The following HHAT variants were observed in gnomAD, a reference collection of about 807,000 sequenced individuals.
HHAT encodes the protein protein-cysteine N-palmitoyltransferase HHAT.
HHAT carries 47 observed loss-of-function variants against 70.8 expected under a neutral mutation model. The observed-to-expected ratio is 0.66, with a 90% CI of 0.53 to 0.85. The LOEUF (loss-of-function observed/expected upper bound fraction) is 0.85, where lower values mean the gene tolerates loss of function less well. HHAT is among the 40% of genes least tolerant of loss of function. HHAT has a pLI of 0.00. For missense variants in HHAT, 609 were observed against 604.8 expected (o/e 1.01, Z -0.07); for synonymous variants, 228 against 247.6 (o/e 0.92, Z 0.74).
At chr1:210,594,656 T>G (rs1662528340) in intron 10 of HHAT, among the ~76,000 whole-genome samples, 1 of 152,198 alleles carries the variant, frequency 6.6e-6, no homozygotes. Flanking sequence ...TTCTGCACCT[T>G]CAGATGATTT....
chr1:210,546,619 C>G (rs1016638317), intron 9 of HHAT, among the ~76,000 whole-genome samples: 3 of 152,168 alleles, frequency 2.0e-5, no homozygotes, highest in Admixed American at 6.5e-5. Flanking sequence ...CTCCACATGG[C>G]TTTAAGCACG....
At chr1:210,604,649 T>A (rs1665016109) in intron 10 of HHAT, among the ~76,000 whole-genome samples, 2 of 152,162 alleles carry the variant, frequency 1.3e-5, no homozygotes. Flanking sequence ...TAAAAATTAT[T>A]GAGAGAGAGG....
At chr1:210,660,387 A>G (rs1294810204) in intron 11 of HHAT, among the ~76,000 whole-genome samples, 1 of 152,212 alleles carries the variant, frequency 6.6e-6, no homozygotes, top group Non-Finnish European at 1.5e-5. Context: ...AAGGAGAACT[A>G]CAAACCACTG....
At chr1:210,335,386 A>G (rs150253290) in intron 1 of HHAT, among the ~76,000 whole-genome samples, 3 of 152,212 alleles carry the variant, frequency 2.0e-5, no homozygotes, top group African/African-American at 7.2e-5. Flanking sequence ...ACAGAGGGTA[A>G]GGTATTGCTC....
In HHAT at chr1:210,404,521, C is replaced by A; in HGVS notation, c.526C>A (p.Arg176Ser). Reference sequence around the variant, plus strand: ...CCTGCTGCAGTTCACGCTGACCGTTCGCTGCCTGTACTACACCAGCTTCAG... The same window carrying A: ...CCTGCTGCAGTTCACGCTGACCGTTAGCTGCCTGTACTACACCAGCTTCAG... ...YYLLQFTLTVRCLYYTSFSLE... is the reference protein window; with the variant it reads ...YYLLQFTLTVSCLYYTSFSLE... Residue 176 changes from arginine (R) to serine (S), a missense_variant, in exon 6 of 12, where the codon CGC becomes AGC. Physicochemically the swap from Arg to Ser is moderately radical, Grantham distance 110. Transcript: ENST00000261458. The A allele has an allele frequency of 6.2e-7, 1 of 1,613,590 alleles. No homozygotes were observed. The highest frequency in any genetic ancestry group is 8.5e-7 in the Non-Finnish European group (1 of 1,179,916).
At chr1:210,372,507 C>A (rs889725350) in intron 3 of HHAT, among the ~76,000 whole-genome samples, 1 of 152,218 alleles carries the variant, frequency 6.6e-6, no homozygotes, top group African/African-American at 2.4e-5. Context: ...TAACTGAATT[C>A]TCCTACAAGT....
At chr1:210,624,860 T>A (rs940103417) in intron 11 of HHAT, among the ~76,000 whole-genome samples, 11 of 152,312 alleles carry the variant, frequency 7.2e-5, no homozygotes, top group African/African-American at 1.4e-4. Context: ...AGTGACACAG[T>A]CTTGTGCTTT....
intron 9 of HHAT, among the ~76,000 whole-genome samples, chr1:210,539,024 C>G (rs2095402624): frequency 6.6e-6 from 1 of 152,154 alleles, no homozygotes; most frequent in African/African-American, 2.4e-5. Context: ...CTATAGTGAG[C>G]CAAGATTGCA....
intron 11 of HHAT, among the ~76,000 whole-genome samples, chr1:210,645,255 T>C (rs929889056): frequency 1.3e-5 from 2 of 152,084 alleles, no homozygotes; most frequent in African/African-American, 4.8e-5. Context: ...GTTGCTGTAC[T>C]TTTTATGAAA....
At chr1:210,418,363 A>G (rs745750908) in intron 7 of HHAT, 38 bp downstream of exon 7, 31 of 1,538,784 alleles carry the variant, frequency 2.0e-5, no homozygotes, top group African/African-American at 1.4e-4. Flanking sequence ...ATGAGCCCCA[A>G]TAGTCCAACA....
chr1:210,387,541 A>G lies in HHAT; in HGVS notation c.233A>G (p.His78Arg). 6.2e-7 allele frequency: 1 copy of G among 1,614,020 alleles called. No homozygotes were observed. Among genetic ancestry groups the G allele is most frequent in the East Asian group, 2.2e-5 (1 of 44,874 alleles). The change falls in exon 4 of 12, where the codon CAC becomes CGC. Residue 78 changes from histidine (H) to arginine (R), a missense_variant. Coordinates refer to ENST00000261458, the MANE Select transcript of HHAT (RefSeq NM_018194.6). ...KQWLVWLLLG[H>R]MVVSQMATLL... ...TGGCTGGTGTGGCTTCTCCTTGGCCACATGGTAGTGTCTCAAATGGCCACA... is the reference window on the plus strand; with the variant it reads ...TGGCTGGTGTGGCTTCTCCTTGGCCGCATGGTAGTGTCTCAAATGGCCACA...
intron 11 of HHAT, among the ~76,000 whole-genome samples, chr1:210,643,034 G>A (rs897972699): frequency 2.6e-5 from 4 of 152,018 alleles, no homozygotes; most frequent in South Asian, 2.1e-4. Flanking sequence ...TATAATGTGC[G>A]ATAAGGATCA....
intron 7 of HHAT, among the ~76,000 whole-genome samples, chr1:210,428,536 A>G (rs984827119): frequency 1.3e-5 from 2 of 150,932 alleles, no homozygotes; most frequent in Non-Finnish European, 2.9e-5. Context: ...AGACTGTCTT[A>G]TTTAGCACCA....
chr1:210,451,064 G>T (rs2093745682), intron 7 of HHAT, among the ~76,000 whole-genome samples: 1 of 146,662 alleles, frequency 6.8e-6, no homozygotes, highest in South Asian at 2.2e-4. Flanking sequence ...TCCAGCCTGG[G>T]CAACAGAGCG....
rs187289906 is a variant in HHAT, at chr1:210,557,645, A to C, written c.1044-30253A>C. ...TTCTTACATGACGGCAGCAAGAGAA[A>C]ATGAGGAAGAAGCAAAAGCGGAAAC... On this transcript the variant is annotated intron_variant, in intron 9 of 11. Coordinates refer to ENST00000261458, the MANE Select transcript of HHAT (RefSeq NM_018194.6). Among the ~76,000 whole-genome samples the C allele has an allele frequency of 1.1e-3, 166 of 152,310 alleles. 2 individuals are homozygous for C. The highest frequency in any genetic ancestry group is 7.3e-4 in the Non-Finnish European group (50 of 68,028).
intron 9 of HHAT, among the ~76,000 whole-genome samples, chr1:210,545,568 C>G (rs1021670067): frequency 6.6e-6 from 1 of 151,832 alleles, no homozygotes; most frequent in Non-Finnish European, 1.5e-5. Context: ...TCCTAAGTAG[C>G]TAGGACTACA....
chr1:210,360,540 C>A (rs907292985), intron 2 of HHAT, among the ~76,000 whole-genome samples: 9 of 152,164 alleles, frequency 5.9e-5, no homozygotes, highest in African/African-American at 2.2e-4. Context: ...GAACTCCTGA[C>A]CTCAGGTGAT....
At position 210,419,058 on chromosome 1, in the gene HHAT, C is replaced by T. The variant is rs147441324; in HGVS notation, c.856+733C>T. 4.7e-4 allele frequency among the ~76,000 whole-genome samples: 71 copies of T among 152,170 alleles called. No individual in the cohort carries two copies. The East Asian group carries it at 0.013, about 29-fold the overall frequency. ...AAAAAAAGAATGAGTTTCAGGATCA[C>T]ACAGCCATAGGTTTGAGTTTCAGCT... On this transcript the variant is annotated intron_variant, in intron 7 of 11. Coordinates refer to ENST00000261458, the MANE Select transcript of HHAT (RefSeq NM_018194.6).
chr1:210,434,738 G>A (rs1475153001), intron 7 of HHAT, among the ~76,000 whole-genome samples: 1 of 151,680 alleles, frequency 6.6e-6, no homozygotes, highest in East Asian at 1.9e-4. Context: ...AATAGAAGGG[G>A]AAAGAGATGG....
Sources: gnomAD v4.1 joint callset for allele counts (sites outside exome capture counted in the v4.1 genomes callset) on GRCh38, gnomAD v4.1.1 for gene constraint, MANE v1.5 for transcripts, NCBI Gene and HGNC (gene_info 2026-07-23, HGNC 2026-07-21) for gene names.